The following CPED1 variants were observed in gnomAD, a reference collection of about 807,000 sequenced individuals.
CPED1 encodes cadherin-like and PC-esterase domain-containing protein 1.
In CPED1, 114 loss-of-function variants were observed where a neutral mutation model predicts 128.2. That is an observed-to-expected ratio of 0.89 (90% CI 0.76 to 1.04). CPED1 has a LOEUF of 1.04. Ranked by LOEUF, CPED1 falls within the 50% of genes least tolerant of loss-of-function variation. CPED1 has a pLI of 0.00. For missense variants in CPED1, 1,211 were observed against 1,207.1 expected, an observed-to-expected ratio of 1.00 and a Z score of -0.05; for synonymous variants, 462 against 426.7, an observed-to-expected ratio of 1.08 and a Z score of -1.02.
In CPED1 at chr7:120,989,601, C is replaced by A. The variant is rs772408709; in HGVS notation, c.-21C>A. ...ACTTTTCCCGCAACGTGGACAGGGG[C>A]CAAGTGAAGCTGAACTGGTCATGGT... On this transcript the variant is annotated 5_prime_UTR_variant, in exon 2 of 23. Coordinates refer to ENST00000310396, the MANE Select transcript of CPED1 (RefSeq NM_024913.5). 6.8e-6 allele frequency: 11 copies of A among 1,611,772 alleles called. No homozygotes were observed. In the South Asian group the frequency reaches 1.2e-4, roughly 18 times the overall value.
chr7:120,996,732 A>C (rs778459922), intron 2 of CPED1, among the ~76,000 whole-genome samples: 3 of 152,224 alleles, frequency 2.0e-5, no homozygotes, highest in Admixed American at 6.5e-5. Context: ...ATAAGAGTTC[A>C]TCAGATTCCA....
chr7:121,052,031 G>A (rs1046286184), intron 4 of CPED1: 6 of 151,698 alleles, frequency 4.0e-5, no homozygotes, highest in South Asian at 2.1e-4. Context: ...CATCTATTTC[G>A]CTAGCAAGTG....
chr7:121,252,759 GTGAGATAGCATCTCACACCAGTT>G, intron 18 of CPED1, among the ~76,000 whole-genome samples: 1 of 152,024 alleles, frequency 6.6e-6, no homozygotes, highest in African/African-American at 2.4e-5. Context: ...CAAAACCACA[GTGAGATAGCATCTCACACCAGTT>G]AGAATGGTGA....
chr7:121,280,247 AACATAGATATTCAGCC>A (rs1219438660), intron 22 of CPED1, among the ~76,000 whole-genome samples: 2 of 152,228 alleles, frequency 1.3e-5, no homozygotes, highest in Non-Finnish European at 2.9e-5. Flanking sequence ...AAAACTCAGC[AACATAGATATTCAGCC>A]ACTTGGGAAA....
intron 13 of CPED1, among the ~76,000 whole-genome samples, chr7:121,134,696 A>T (rs1355748857): frequency 6.6e-6 from 1 of 152,108 alleles, no homozygotes; most frequent in Admixed American, 6.6e-5. Flanking sequence ...ATTTCACATT[A>T]TACCCCAGAA....
intron 11 of CPED1, among the ~76,000 whole-genome samples, 198 bp downstream of exon 11, chr7:121,128,684 C>G (rs887346039): frequency 3.9e-5 from 6 of 152,158 alleles, no homozygotes; most frequent in African/African-American, 1.2e-4. Flanking sequence ...AGTTTGCAAA[C>G]AATATGTGAC....
intron 16 of CPED1, among the ~76,000 whole-genome samples, chr7:121,155,100 G>A (rs1203789928): frequency 6.6e-6 from 1 of 152,030 alleles, no homozygotes; most frequent in Non-Finnish European, 1.5e-5. Context: ...AAGAAATCAA[G>A]GAGGCAACCC....
At chr7:121,038,342 T>C (rs1354477202) in intron 3 of CPED1, among the ~76,000 whole-genome samples, 1 of 152,080 alleles carries the variant, frequency 6.6e-6, no homozygotes, top group African/African-American at 2.4e-5. Flanking sequence ...GGCTTTCAAC[T>C]CCAAATTTGA....
intron 18 of CPED1, among the ~76,000 whole-genome samples, chr7:121,264,416 A>T (rs77310740): frequency 6.6e-6 from 1 of 152,222 alleles, no homozygotes; most frequent in East Asian, 1.9e-4. Flanking sequence ...AAGTTATTTC[A>T]CAAGCTATTT....
intron 5 of CPED1, among the ~76,000 whole-genome samples, chr7:121,089,237 T>C (rs899586410): frequency 6.6e-6 from 1 of 152,228 alleles, no homozygotes; most frequent in Non-Finnish European, 1.5e-5. Context: ...TTAGATTTCA[T>C]TGTGGCCATT....
At chr7:121,182,514 C>G (rs901545287) in intron 16 of CPED1, among the ~76,000 whole-genome samples, 4 of 151,472 alleles carry the variant, frequency 2.6e-5, no homozygotes, top group Admixed American at 2.6e-4. Flanking sequence ...GCCTCCCTCT[C>G]TTCCTCCCTC....
intron 9 of CPED1, 104 bp downstream of exon 9, chr7:121,125,996 A>G: frequency 2.4e-6 from 2 of 821,760 alleles, no homozygotes; most frequent in Non-Finnish European, 4.0e-6. Context: ...ATCAATAAAT[A>G]GCAATTTGCA....
chr7:121,210,140 A>C (rs1246771257), intron 16 of CPED1, among the ~76,000 whole-genome samples: 1 of 152,034 alleles, frequency 6.6e-6, no homozygotes, highest in Non-Finnish European at 1.5e-5. Flanking sequence ...AATGGCTTTT[A>C]TCCAAAAGAC....
At chr7:121,157,169 A>G (rs565675777) in intron 16 of CPED1, among the ~76,000 whole-genome samples, 1 of 152,292 alleles carries the variant, frequency 6.6e-6, no homozygotes, top group East Asian at 1.9e-4. Context: ...GGTCAACTGT[A>G]TATACTTTAC....
intron 16 of CPED1, among the ~76,000 whole-genome samples, chr7:121,198,560 C>A (rs1271889625): frequency 6.6e-6 from 1 of 152,082 alleles, no homozygotes; most frequent in African/African-American, 2.4e-5. Context: ...TTACAGAGTG[C>A]TGCCCAATCC....
chr7:121,194,263 C>T (rs1797220483), intron 16 of CPED1, among the ~76,000 whole-genome samples: 2 of 151,668 alleles, frequency 1.3e-5, no homozygotes, highest in Non-Finnish European at 2.9e-5. Flanking sequence ...GTTGGCCAGG[C>T]TGGTCTTGAA....
chr7:121,099,191 A>T (rs1794778586), intron 6 of CPED1, among the ~76,000 whole-genome samples: 1 of 151,978 alleles, frequency 6.6e-6, no homozygotes, highest in African/African-American at 2.4e-5. Context: ...AAATAGAGCA[A>T]AGGTAGGCAG....
intron 7 of CPED1, among the ~76,000 whole-genome samples, chr7:121,115,449 T>A (rs1367756741): frequency 6.6e-6 from 1 of 152,144 alleles, no homozygotes; most frequent in Non-Finnish European, 1.5e-5. Context: ...CAGAACTGAT[T>A]TTTTTTATAA....
At chr7:121,154,015 C>G (rs1233879826) in intron 16 of CPED1, among the ~76,000 whole-genome samples, 3 of 152,122 alleles carry the variant, frequency 2.0e-5, no homozygotes, top group African/African-American at 4.8e-5. Flanking sequence ...CAAACCCTTA[C>G]AGACTATACA....
Sources: allele counts gnomAD v4.1 joint callset (sites outside exome capture counted in the v4.1 genomes callset), GRCh38; gene constraint gnomAD v4.1.1; transcripts MANE v1.5; gene names NCBI Gene and HGNC (gene_info 2026-07-23, HGNC 2026-07-21).